Variants in CHAF1B observed in about 807,000 individuals in gnomAD.
CHAF1B encodes the protein chromatin assembly factor 1 subunit B.
CHAF1B carries 10 observed loss-of-function variants against 60.7 expected under a neutral mutation model. The ratio of observed to expected loss-of-function variants is 0.16; its 90% CI spans 0.10 to 0.28. The LOEUF is 0.28. CHAF1B is among the 10% of genes least tolerant of loss of function. The pLI, the probability that CHAF1B is intolerant of heterozygous loss-of-function variation, is 1.00. For missense variants in CHAF1B, 558 were observed against 708.4 expected, an observed-to-expected ratio of 0.79 and a Z score of 2.41; for synonymous variants, 261 against 266.1, an observed-to-expected ratio of 0.98 and a Z score of 0.19.
chr21:36,387,834 T>C, intron 3 of CHAF1B, 104 bp downstream of exon 3: 1 of 1,292,544 alleles, frequency 7.7e-7, no homozygotes, highest in Middle Eastern at 2.0e-4. Flanking sequence ...TTTTTTTTTT[T>C]TGAGATAGAG....
At chr21:36,386,831 A>C (rs2086039083) in intron 2 of CHAF1B, among the ~76,000 whole-genome samples, 1 of 151,586 alleles carries the variant, frequency 6.6e-6, no homozygotes, top group African/African-American at 2.4e-5. Context: ...CTCCTGCCTC[A>C]GCCTCCCAAA....
At chr21:36,398,600 C>G (rs1356740823) in intron 6 of CHAF1B, among the ~76,000 whole-genome samples, 1 of 152,034 alleles carries the variant, frequency 6.6e-6, no homozygotes, top group East Asian at 1.9e-4. Context: ...CCTCAGGTGA[C>G]CTGCCTGCGT....
rs569975842 is a variant in CHAF1B, at chr21:36,392,715, C to T, written c.377+1047C>T. Among the ~76,000 whole-genome samples, 12 of 151,842 alleles carry T rather than the reference C, an allele frequency of 7.9e-5. No homozygotes were observed. In the South Asian group the frequency reaches 2.3e-3, roughly 29 times the overall value. ...ACGGGGCGGCCGGGCAGAGACGCTC[C>T]TCACCTCCCAGACAGGGCGGCGGGG... is the stretch of plus-strand genomic sequence containing the variant. On this transcript the variant is annotated intron_variant, in intron 4 of 13. Coordinates refer to ENST00000314103, the MANE Select transcript of CHAF1B (RefSeq NM_005441.3).
Position 36,411,584 on chromosome 21 carries a change from C to T in CHAF1B, c.1041C>T (p.His347=), listed in dbSNP as rs1479579714. ...GTTACGTGTCTAATATACATTACCA[C>T]ACCCTCAGTGACATTTCATGGTGAG... The part of the protein sequence containing the change: ...PFGYVSNIHY[H]TLSDISWSSD... Residue 347 remains histidine, a synonymous_variant, in exon 11 of 14, where the codon CAC becomes CAT. Coordinates refer to ENST00000314103, the MANE Select transcript of CHAF1B (RefSeq NM_005441.3). The T allele has an allele frequency of 1.5e-5, 24 of 1,614,128 alleles. No individual in the cohort carries two copies. The highest frequency in any genetic ancestry group is 1.9e-5 in the Non-Finnish European group (23 of 1,180,008).
rs532995952 is a variant in CHAF1B at position 36,416,327 on chromosome 21, C to T, written c.1641C>T (p.Leu547=). The change falls in exon 14 of 14, where the codon CTC becomes CTT. Residue 547 remains leucine, a synonymous_variant. Transcript: ENST00000314103. Reference sequence around the variant, plus strand: ...CCCCAGAGCTAAAGCGGCCCAGACTCGATGAAAACAAAGGAGGCACGGAAA... The same window carrying T: ...CCCCAGAGCTAAAGCGGCCCAGACTTGATGAAAACAAAGGAGGCACGGAAA... ...GSPPELKRPR[L]DENKGGTESL... is the part of the protein sequence containing the mutation. 1.4e-5 allele frequency: 22 copies of T among 1,614,018 alleles called. No homozygotes were observed. In the East Asian group the frequency reaches 3.3e-4, roughly 25 times the overall value.
In CHAF1B at chr21:36,416,622, G is replaced by A. The variant is rs2086322127; in HGVS notation, c.*256G>A. The A allele has an allele frequency of 5.8e-6, 2 of 344,506 alleles. No individual in the cohort carries two copies. Among genetic ancestry groups the A allele is most frequent in the South Asian group, 7.5e-5 (1 of 13,346 alleles). The allele number at this position is 344,506 out of a possible 1,614,324, so 21.3% of individuals were successfully genotyped here. A position where few individuals can be genotyped will look rare whatever the true frequency, so the allele number is the denominator to read the frequency against. On this transcript the variant is annotated 3_prime_UTR_variant, in exon 14 of 14. Transcript: ENST00000314103. ...TTTGATGAGTTTCTGAAACTGGAGC[G>A]GTTCAACGTTATCCAGTGTGAAAAT...
chr21:36,391,897 T>A (rs2086091851), intron 4 of CHAF1B, among the ~76,000 whole-genome samples: 1 of 147,480 alleles, frequency 6.8e-6, no homozygotes, highest in East Asian at 2.0e-4. Flanking sequence ...CATGCCCTGC[T>A]GATTTTTAAA....
intron 8 of CHAF1B, among the ~76,000 whole-genome samples, chr21:36,404,550 T>C (rs1385707579): frequency 6.6e-6 from 1 of 150,800 alleles, no homozygotes; most frequent in Non-Finnish European, 1.5e-5. Flanking sequence ...TTCTCCTGCC[T>C]CAGCCTCCGG....
At position 36,394,653 on chromosome 21, in the gene CHAF1B, A is replaced by G; in HGVS notation, c.481+3A>G. The G allele has an allele frequency of 1.3e-6, 2 of 1,585,854 alleles. No homozygotes were observed. Among genetic ancestry groups the G allele is most frequent in the Non-Finnish European group, 1.7e-6 (2 of 1,159,174 alleles). On this transcript the variant is annotated splice_donor_region_variant and intron_variant, in intron 5 of 13. Transcript: ENST00000314103. ...CATCATATGGGATGTCAGCAAAGGT[A>G]AATGATATATTTTTGTTATTAGCAG...
chr21:36,400,726 A>G (rs1450439147), intron 7 of CHAF1B, among the ~76,000 whole-genome samples: 2 of 152,216 alleles, frequency 1.3e-5, no homozygotes, highest in African/African-American at 4.8e-5. Context: ...GCTAGCAGAC[A>G]GCAGAGACCC....
intron 3 of CHAF1B, among the ~76,000 whole-genome samples, chr21:36,389,800 T>TGTGTGTGTGTGTGTGC: frequency 3.2e-5 from 4 of 124,798 alleles, no homozygotes; most frequent in African/African-American, 1.1e-4. Context: ...TGTGTGTGTG[T>TGTGTGTGTGTGTGTGC]GCGCGCGCAC....
chr21:36,409,517 C>A, intron 10 of CHAF1B, 52 bp downstream of exon 10: 2 of 1,356,916 alleles, frequency 1.5e-6, no homozygotes, highest in Non-Finnish European at 2.1e-6. Context: ...AAACAGGTCA[C>A]CAGAGTGGGG....
In CHAF1B at chr21:36,386,087, G is replaced by GCTTC; in HGVS notation, c.-50_-49insCTTC. 1 of 1,609,182 alleles carries GCTTC rather than the reference G, an allele frequency of 6.2e-7. No individual in the cohort carries two copies. Among genetic ancestry groups the GCTTC allele is most frequent in the East Asian group, 2.2e-5 (1 of 44,796 alleles). On this transcript the variant is annotated 5_prime_UTR_variant, in exon 2 of 14. Coordinates refer to ENST00000314103, the MANE Select transcript of CHAF1B (RefSeq NM_005441.3). Reference sequence around the variant, plus strand: ...TTTTGCAGCTTTCTCCTGTCTTGAAGAAGTAGAACGGTGCCCGAGAAACGT... The same window carrying GCTTC: ...TTTTGCAGCTTTCTCCTGTCTTGAAGCTTCAAGTAGAACGGTGCCCGAGAAACGT...
chr21:36,396,796 A>T (rs548910486), intron 5 of CHAF1B, among the ~76,000 whole-genome samples: 2 of 151,624 alleles, frequency 1.3e-5, no homozygotes, highest in East Asian at 3.9e-4. Context: ...GGCCCTCCTC[A>T]TCTCTCTCCT....
chr21:36,405,778 A>G (rs2086233615), intron 8 of CHAF1B, among the ~76,000 whole-genome samples: 1 of 152,166 alleles, frequency 6.6e-6, no homozygotes, highest in East Asian at 1.9e-4. Context: ...GGAGAAGTCT[A>G]GAAGGTCTTA....
intron 4 of CHAF1B, among the ~76,000 whole-genome samples, chr21:36,392,905 C>T (rs575925562): frequency 3.6e-4 from 55 of 152,302 alleles, no homozygotes; most frequent in Admixed American, 6.5e-4. Flanking sequence ...ACGCCAGTGC[C>T]CTCCAGCCTG....
In CHAF1B at chr21:36,412,841, G is replaced by A. The variant is rs772670670; in HGVS notation, c.1062-43G>A. The A allele has an allele frequency of 1.7e-5, 26 of 1,564,688 alleles. No homozygotes were observed. In the Middle Eastern group the frequency reaches 5.1e-4, roughly 31 times the overall value. ...TTCCCTCTTCTAAGTAGATGTGAGA[G>A]TGTTGGTAAGGTCTGTAACTTTTCC... On this transcript the variant is annotated intron_variant, in intron 11 of 13. Transcript: ENST00000314103.
chr21:36,411,436 T>TA (rs1267901503), intron 10 of CHAF1B, 27 bp from the exon 11 acceptor site: 1 of 1,612,288 alleles, frequency 6.2e-7, no homozygotes, highest in Admixed American at 1.7e-5. Context: ...TCTGTGGTTT[T>TA]ACTTTGTCTC....
At chr21:36,403,993 C>G (rs982843937) in intron 8 of CHAF1B, among the ~76,000 whole-genome samples, 1 of 152,094 alleles carries the variant, frequency 6.6e-6, no homozygotes, top group Non-Finnish European at 1.5e-5. Context: ...GTGCGAATGA[C>G]ACTTTGGCCC....
Sources: allele counts gnomAD v4.1 joint callset (sites outside exome capture counted in the v4.1 genomes callset), GRCh38; gene constraint gnomAD v4.1.1; transcripts MANE v1.5; gene names NCBI Gene and HGNC (gene_info 2026-07-23, HGNC 2026-07-21).